Variants in PPP2R2C observed in about 807,000 individuals in gnomAD.
PPP2R2C encodes protein phosphatase 2 regulatory subunit Bgamma.
A neutral mutation model predicts 45.3 loss-of-function variants in PPP2R2C; 10 were observed. That is an observed-to-expected ratio of 0.22 (90% CI 0.14 to 0.37). PPP2R2C has a LOEUF of 0.37. PPP2R2C is among the 10% of genes least tolerant of loss of function. The pLI is 1.00. For synonymous variants in PPP2R2C, 257 were observed against 245.4 expected (o/e 1.05, Z -0.44); for missense variants, 308 against 619.7 (o/e 0.50, Z 5.34).
chr4:6,428,953 C>G (rs2109405932), intron 1 of PPP2R2C, among the ~76,000 whole-genome samples: 1 of 152,366 alleles, frequency 6.6e-6, no homozygotes, highest in Middle Eastern at 3.4e-3. Context: ...TAACTTTCCT[C>G]TATACCAAGG....
At chr4:6,529,507 A>G (rs1178215045) in intron 2 of PPP2R2C, among the ~76,000 whole-genome samples, 1 of 150,160 alleles carries the variant, frequency 6.7e-6, no homozygotes, top group Non-Finnish European at 1.5e-5. Context: ...CAACACCTCC[A>G]GTTTGCAGAT....
intron 5 of PPP2R2C, among the ~76,000 whole-genome samples, chr4:6,370,212 C>T (rs991678181): frequency 6.6e-6 from 1 of 152,230 alleles, no homozygotes; most frequent in South Asian, 2.1e-4. Context: ...TCTGGCTCTG[C>T]CCCTGCCAAC....
intron 1 of PPP2R2C, among the ~76,000 whole-genome samples, chr4:6,460,453 T>C (rs961788325): frequency 1.3e-5 from 2 of 152,180 alleles, no homozygotes; most frequent in Admixed American, 6.5e-5. Flanking sequence ...TAAGTCTCTG[T>C]TGTTTCAACT....
intron 1 of PPP2R2C, among the ~76,000 whole-genome samples, chr4:6,396,959 A>G (rs1391849529): frequency 1.3e-5 from 2 of 152,092 alleles, no homozygotes; most frequent in African/African-American, 2.4e-5. Flanking sequence ...GCTGATTTCC[A>G]TGCTACCCAC....
intron 5 of PPP2R2C, chr4:6,350,127 TAC>T (rs758869744): frequency 1.3e-4 from 125 of 985,288 alleles, no homozygotes; most frequent in Non-Finnish European, 1.4e-4. Context: ...CCCAGGAAAC[TAC>T]AGTTTTCCAG....
chr4:6,535,212 C>G, intron 2 of PPP2R2C: 1 of 1,517,118 alleles, frequency 6.6e-7, no homozygotes, highest in Non-Finnish European at 8.8e-7. Context: ...CTGTGACCCA[C>G]AGCCCACGTC....
intron 2 of PPP2R2C, among the ~76,000 whole-genome samples, chr4:6,515,811 C>T (rs956127968): frequency 1.3e-5 from 2 of 152,198 alleles, no homozygotes; most frequent in Admixed American, 6.5e-5. Flanking sequence ...AACCAGAAGT[C>T]CAAGATCGAG....
intron 3 of PPP2R2C, among the ~76,000 whole-genome samples, chr4:6,377,314 C>T (rs1471658985): frequency 6.6e-6 from 1 of 152,128 alleles, no homozygotes; most frequent in Non-Finnish European, 1.5e-5. Flanking sequence ...TGCTGGGGCT[C>T]AGGAAAGCAA....
At chr4:6,391,416 G>C (rs190093824) in intron 1 of PPP2R2C, among the ~76,000 whole-genome samples, 3 of 152,322 alleles carry the variant, frequency 2.0e-5, no homozygotes. Context: ...TGAATCCTCT[G>C]CACACGCGCT....
intron 1 of PPP2R2C, among the ~76,000 whole-genome samples, chr4:6,417,581 G>T (rs1451186745): frequency 5.3e-5 from 8 of 152,226 alleles, no homozygotes; most frequent in Non-Finnish European, 1.2e-4. Context: ...GCACACCCAT[G>T]CCAGGACCCT....
chr4:6,498,000 C>G (rs1410985906), intron 2 of PPP2R2C, among the ~76,000 whole-genome samples: 2 of 152,244 alleles, frequency 1.3e-5, no homozygotes, highest in African/African-American at 4.8e-5. Flanking sequence ...CATCCATACG[C>G]TGTTGGCTTT....
chr4:6,379,346 G>A (rs930211696), intron 2 of PPP2R2C, among the ~76,000 whole-genome samples: 1 of 152,118 alleles, frequency 6.6e-6, no homozygotes, highest in Non-Finnish European at 1.5e-5. Flanking sequence ...ACGACAACAC[G>A]AAACCCCAAC....
intron 2 of PPP2R2C, among the ~76,000 whole-genome samples, chr4:6,510,482 A>G (rs1723388640): frequency 6.6e-6 from 1 of 152,150 alleles, no homozygotes; most frequent in South Asian, 2.1e-4. Flanking sequence ...CATGGTGCTT[A>G]TATGTACCCG....
intron 1 of PPP2R2C, among the ~76,000 whole-genome samples, chr4:6,434,341 G>A (rs375560433): frequency 2.2e-5 from 3 of 138,852 alleles, no homozygotes; most frequent in South Asian, 2.3e-4. Flanking sequence ...TCTCACCTGC[G>A]TATTTCTTTT....
intron 2 of PPP2R2C, among the ~76,000 whole-genome samples, chr4:6,491,329 GCTT>G (rs1722693223): frequency 6.6e-6 from 1 of 152,198 alleles, no homozygotes; most frequent in African/African-American, 2.4e-5. Context: ...TGGCCAATGA[GCTT>G]CTGCATGGAA....
intron 1 of PPP2R2C, among the ~76,000 whole-genome samples, chr4:6,422,131 C>T (rs531015455): frequency 6.6e-6 from 1 of 152,022 alleles, no homozygotes; most frequent in Middle Eastern, 3.4e-3. Flanking sequence ...TTCAGAGGCT[C>T]ACACCAAAAG....
At chr4:6,554,189 T>C (rs1725282979) in intron 1 of PPP2R2C, among the ~76,000 whole-genome samples, 1 of 152,134 alleles carries the variant, frequency 6.6e-6, no homozygotes, top group Admixed American at 6.5e-5. Context: ...AATGAGGCCA[T>C]GCTGGAGTAG....
rs969728284 is a variant in PPP2R2C, at chr4:6,345,687, G to A, written c.790+2159C>T. On this transcript the variant is annotated intron_variant, in intron 6 of 8. Transcript: ENST00000382599. The surrounding 1 kb of genome is among the most constrained non-coding windows in gnomAD (Gnocchi z 5.3). ...GAGCCTCCCGAAGGTACCAGCCCGTGGCACCTTCATTATGGCCAGTGAGCT... is the reference window on the plus strand; with the variant it reads ...GAGCCTCCCGAAGGTACCAGCCCGTAGCACCTTCATTATGGCCAGTGAGCT... 5.3e-5 allele frequency among the ~76,000 whole-genome samples: 8 copies of A among 152,126 alleles called. No individual in the cohort carries two copies. Among genetic ancestry groups the A allele is most frequent in the Non-Finnish European group, 1.5e-5 (1 of 68,036 alleles).
At chr4:6,561,105 A>G (rs1725558601) in intron 1 of PPP2R2C, among the ~76,000 whole-genome samples, 1 of 152,246 alleles carries the variant, frequency 6.6e-6, no homozygotes, top group African/African-American at 2.4e-5. Flanking sequence ...CAGCAGGAAC[A>G]TCAGGTACCA....
Sources: gnomAD v4.1 joint callset for allele counts (sites outside exome capture counted in the v4.1 genomes callset) on GRCh38, gnomAD v4.1.1 for gene constraint, Gnocchi (gnomAD v3.1) non-coding constraint, MANE v1.5 for transcripts, NCBI Gene and HGNC (gene_info 2026-07-23, HGNC 2026-07-21) for gene names.